The following RFC1 variants were observed in gnomAD, a reference collection of about 807,000 sequenced individuals.
RFC1 encodes the protein A1 140 kDa subunit.
A neutral mutation model predicts 137.4 loss-of-function variants in RFC1; 37 were observed. That is an observed-to-expected ratio of 0.27 (90% confidence interval 0.21 to 0.35). The LOEUF is 0.35. RFC1 is among the 10% of genes least tolerant of loss of function. The pLI is 1.00. For synonymous variants in RFC1, 429 were observed against 455.7 expected, an observed-to-expected ratio of 0.94 and a Z score of 0.75; for missense variants, 1,205 against 1,358.5, an observed-to-expected ratio of 0.89 and a Z score of 1.78.
At chr4:39,351,540 G>T (rs1004850365) in intron 1 of RFC1, 64 bp from the exon 2 acceptor site, 25 of 1,392,536 alleles carry the variant, frequency 1.8e-5, no homozygotes, top group Admixed American at 3.2e-5. Flanking sequence ...AACTTCAATT[G>T]TAAGATGGGA....
intron 10 of RFC1, among the ~76,000 whole-genome samples, chr4:39,314,574 G>A (rs1739140061): frequency 6.6e-6 from 1 of 151,678 alleles, no homozygotes; most frequent in Non-Finnish European, 1.5e-5. Flanking sequence ...TCCCCTCAGG[G>A]CACCACTTTG....
At chr4:39,321,458 T>G in intron 7 of RFC1, 84 bp from the exon 8 acceptor site, 1 of 1,271,744 alleles carries the variant, frequency 7.9e-7, no homozygotes, top group South Asian at 1.3e-5. Flanking sequence ...CCATCAAAAT[T>G]TTAAGGGTCA....
intron 3 of RFC1, among the ~76,000 whole-genome samples, chr4:39,343,047 T>C (rs1018799245): frequency 2.0e-5 from 3 of 152,240 alleles, no homozygotes; most frequent in Admixed American, 6.5e-5. Context: ...TTTTCTTTTT[T>C]GAGACGGAGT....
intron 1 of RFC1, chr4:39,365,459 T>C (rs1008873945): frequency 7.1e-6 from 7 of 985,034 alleles, no homozygotes; most frequent in African/African-American, 3.5e-5. Context: ...TCCATTGCCA[T>C]ACCATCAGGA....
Position 39,302,846 on chromosome 4 carries a change from T to A in RFC1, c.2231A>T (p.Lys744Ile). ...QELIGLIKHT[K>I]IPIICMCNDR... ...ATTGCACATACAAATAATGGGAATT[T>A]TAGTATGTTTTATCAGGCCAATTAA... Residue 744 changes from lysine to isoleucine, a missense_variant, in exon 17 of 25, where the codon AAA (lysine) becomes ATA (isoleucine). Transcript: ENST00000349703. 1 of 1,589,964 alleles carries A rather than the reference T, an allele frequency of 6.3e-7. No individual in the cohort carries two copies. The highest frequency in any genetic ancestry group is 8.5e-7 in the Non-Finnish European group (1 of 1,171,364).
In RFC1 at chr4:39,342,526, TGTTTAAA is replaced by T. The variant is rs1578156592; in HGVS notation, c.209-66_209-60del. On this transcript the variant is annotated intron_variant, in intron 3 of 24. Transcript: ENST00000349703. ...AAAAGAACTATTATAATATAGTGCA[TGTTTAAA>T]GTAGTCACGGTGAACCAATTCCTCA... The T allele has an allele frequency of 7.8e-6, 12 of 1,542,962 alleles. No individual in the cohort carries two copies. In the East Asian group the frequency reaches 2.8e-4, roughly 36 times the overall value.
Position 39,306,699 on chromosome 4 carries a change from T to C in RFC1, c.1888A>G (p.Lys630Glu). The C allele has an allele frequency of 1.2e-6, 2 of 1,605,622 alleles. No individual in the cohort carries two copies. The highest frequency in any genetic ancestry group is 1.7e-5 in the Admixed American group (1 of 59,982). The change falls in exon 14 of 25, where the codon AAG (lysine) becomes GAG (glutamate). Residue 630 changes from lysine (K) to glutamate (E), a missense_variant and splice_region_variant. By Grantham distance (56) the Lys-to-Glu change is moderately conservative (BLOSUM62 1). Transcript: ENST00000349703. ...TCTTTGCCGGAAAATTTACCAAACTTTGCTGCTAGGAAAAAAGAAGTTCCA... is the reference window on the plus strand; with the variant it reads ...TCTTTGCCGGAAAATTTACCAAACTCTGCTGCTAGGAAAAAAGAAGTTCCA... ...KSSSEDKKHA[K>E]FGKFSGKDDG... is the part of the protein sequence containing the mutation.
intron 19 of RFC1, 130 bp downstream of exon 19, chr4:39,302,148 C>A: frequency 1.7e-6 from 1 of 590,444 alleles, no homozygotes; most frequent in Non-Finnish European, 3.0e-6. Flanking sequence ...GCTGTCTATA[C>A]TTCCTACTAT....
intron 21 of RFC1, among the ~76,000 whole-genome samples, chr4:39,297,987 T>G (rs1351626885): frequency 6.6e-6 from 1 of 152,190 alleles, no homozygotes; most frequent in Non-Finnish European, 1.5e-5. Flanking sequence ...CTACAATTAT[T>G]AAGTAAACAA....
rs1737465712 is a variant in RFC1 at position 39,288,027 on chromosome 4, CAG to C, written c.*732_*733del. On this transcript the variant is annotated 3_prime_UTR_variant, in exon 25 of 25. Transcript: ENST00000349703. Reference sequence around the variant, plus strand: ...ACAGCAGAGACGTGGTCAACACACACAGAGGGAGTGAGGCTGGGAATCCGAGT... The same window carrying C: ...ACAGCAGAGACGTGGTCAACACACACAGGGAGTGAGGCTGGGAATCCGAGT... The C allele has an allele frequency of 6.6e-6, 1 of 152,216 alleles. No individual in the cohort carries two copies. Among genetic ancestry groups the C allele is most frequent in the African/African-American group, 2.4e-5 (1 of 41,442 alleles). 9.4% of individuals were successfully genotyped at this position (152,216 alleles called of 1,614,324 possible). A position where few individuals can be genotyped will look rare whatever the true frequency, so the allele number is the denominator to read the frequency against.
At chr4:39,344,582 T>A (rs1382258146) in intron 3 of RFC1, among the ~76,000 whole-genome samples, 4 of 152,188 alleles carry the variant, frequency 2.6e-5, no homozygotes, top group Non-Finnish European at 5.9e-5. Context: ...GTCTACGTGG[T>A]GAAACCCCAT....
At chr4:39,302,647 G>T (rs1314602663) in intron 17 of RFC1, 52 bp from the exon 18 acceptor site, 1 of 1,484,564 alleles carries the variant, frequency 6.7e-7, no homozygotes, top group Admixed American at 2.1e-5. Flanking sequence ...ATATAATCAG[G>T]TATTTTAAAA....
intron 6 of RFC1, among the ~76,000 whole-genome samples, chr4:39,325,890 T>C (rs1739738229): frequency 6.6e-6 from 1 of 152,176 alleles, no homozygotes; most frequent in Non-Finnish European, 1.5e-5. Flanking sequence ...GCCAAAGTAA[T>C]TTTCTTTTAA....
chr4:39,289,368 G>A (rs533593571), intron 24 of RFC1, among the ~76,000 whole-genome samples: 4 of 152,204 alleles, frequency 2.6e-5, no homozygotes, highest in African/African-American at 7.2e-5. Flanking sequence ...CACACCCAGC[G>A]AAGGACAGAG....
intron 19 of RFC1, 27 bp from the exon 20 acceptor site, chr4:39,300,441 T>C (rs1738292952): frequency 6.3e-7 from 1 of 1,585,308 alleles, no homozygotes; most frequent in South Asian, 1.1e-5. Context: ...ACACACCTAT[T>C]AGAATGGCCA....
intron 1 of RFC1, among the ~76,000 whole-genome samples, chr4:39,358,828 C>G (rs1439407884): frequency 6.6e-6 from 1 of 152,192 alleles, no homozygotes; most frequent in Non-Finnish European, 1.5e-5. Context: ...ACTCCGGAAC[C>G]ACACACTCAC....
At chr4:39,300,806 TG>T (rs557047307) in intron 19 of RFC1, among the ~76,000 whole-genome samples, 2 of 151,922 alleles carry the variant, frequency 1.3e-5, no homozygotes, top group Non-Finnish European at 2.9e-5. Flanking sequence ...TGAAAAGACA[TG>T]GGGGGGCAGG....
At chr4:39,291,890 G>T (rs1184188429) in intron 22 of RFC1, 38 bp from the exon 23 acceptor site, 2 of 1,462,894 alleles carry the variant, frequency 1.4e-6, no homozygotes, top group East Asian at 2.3e-5. Context: ...CAACAGCAAA[G>T]TATCAACTCA....
At chr4:39,327,114 CA>C (rs1739810744) in intron 5 of RFC1, among the ~76,000 whole-genome samples, 1 of 152,064 alleles carries the variant, frequency 6.6e-6, no homozygotes, top group Admixed American at 6.5e-5. Flanking sequence ...CAGATGAATC[CA>C]ATATCTGCCA....
Sources: gnomAD v4.1 joint callset for allele counts (sites outside exome capture counted in the v4.1 genomes callset) on GRCh38, gnomAD v4.1.1 for gene constraint, MANE v1.5 for transcripts, NCBI Gene and HGNC (gene_info 2026-07-23, HGNC 2026-07-21) for gene names.